CAMKMT: variants seen among roughly 807,000 people sequenced by gnomAD.
CAMKMT encodes the protein CaM KMT.
In CAMKMT, 53 loss-of-function variants were observed where a neutral mutation model predicts 48.0. The ratio of observed to expected loss-of-function variants is 1.10; its 90% confidence interval spans 0.89 to 1.39. CAMKMT has a LOEUF of 1.39. Among genes scored for constraint, CAMKMT ranks in the 40% most tolerant of loss-of-function variants. The pLI is 0.00. For synonymous variants in CAMKMT, 165 were observed against 152.3 expected (o/e 1.08, Z -0.61); for missense variants, 428 against 402.7 (o/e 1.06, Z -0.54).
chr2:44,502,565 G>A, intron 3 of CAMKMT, among the ~76,000 whole-genome samples: 1 of 152,130 alleles, frequency 6.6e-6, no homozygotes, highest in East Asian at 1.9e-4. Context: ...GATCTGGTTT[G>A]CCATCTTAAT....
intron 3 of CAMKMT, among the ~76,000 whole-genome samples, chr2:44,703,900 T>C (rs998448951): frequency 1.3e-5 from 2 of 152,188 alleles, no homozygotes; most frequent in Admixed American, 6.6e-5. Context: ...CATTTATTTT[T>C]GCCTAATATG....
chr2:44,456,499 C>G (rs542017663), intron 3 of CAMKMT: 75 of 1,527,020 alleles, frequency 4.9e-5, no homozygotes, highest in Non-Finnish European at 2.1e-5. Flanking sequence ...AACAAAAAGA[C>G]CTTGGAATGA....
chr2:44,619,133 C>T lies in CAMKMT; in HGVS notation c.377-85150C>T, dbSNP rs138028852. On this transcript the variant is annotated intron_variant, in intron 3 of 10. Coordinates refer to ENST00000378494, the MANE Select transcript of CAMKMT (RefSeq NM_024766.5). Reference sequence around the variant, plus strand: ...CTAATACACGTAAGATTGTCTTAAACGATGGAAACAGGATATCTTTGAGAA... The same window carrying T: ...CTAATACACGTAAGATTGTCTTAAATGATGGAAACAGGATATCTTTGAGAA... Among the ~76,000 whole-genome samples, 186 of 152,164 alleles carry T rather than the reference C, an allele frequency of 1.2e-3. 2 individuals are homozygous for T. The East Asian group carries it at 0.032, about 26-fold the overall frequency.
intron 3 of CAMKMT, among the ~76,000 whole-genome samples, chr2:44,410,768 C>T (rs1205430199): frequency 6.6e-6 from 1 of 152,058 alleles, no homozygotes; most frequent in Admixed American, 6.6e-5. Flanking sequence ...TTGTCTGATA[C>T]TAATGGGATA....
intron 3 of CAMKMT, among the ~76,000 whole-genome samples, chr2:44,532,771 T>C (rs546991700): frequency 1.3e-5 from 2 of 152,274 alleles, no homozygotes; most frequent in East Asian, 3.9e-4. Context: ...TAAGATCATG[T>C]TAAACAATTT....
chr2:44,475,374 G>A (rs1668634829), intron 3 of CAMKMT, among the ~76,000 whole-genome samples: 1 of 150,396 alleles, frequency 6.6e-6, no homozygotes, highest in Non-Finnish European at 1.5e-5. Flanking sequence ...CTGGAGTGCA[G>A]TGGCGTCATC....
At chr2:44,578,366 A>G (rs1264122459) in intron 3 of CAMKMT, among the ~76,000 whole-genome samples, 1 of 152,020 alleles carries the variant, frequency 6.6e-6, no homozygotes, top group African/African-American at 2.4e-5. Context: ...AGTGAACATG[A>G]TATTTTAAAT....
intron 3 of CAMKMT, among the ~76,000 whole-genome samples, chr2:44,397,808 T>A (rs1374217261): frequency 1.3e-5 from 2 of 152,232 alleles, no homozygotes; most frequent in Non-Finnish European, 2.9e-5. Context: ...TCTTTGACAG[T>A]AGAACTTGGT....
Position 44,492,160 on chromosome 2 carries a change from A to G in CAMKMT, c.376+101855A>G, listed in dbSNP as rs2104715734. Among the ~76,000 whole-genome samples, 4 of 152,286 alleles carry G rather than the reference A, an allele frequency of 2.6e-5. No individual in the cohort carries two copies. In the South Asian group the frequency reaches 8.3e-4, roughly 32 times the overall value. ...GGATTAATGAAATTATGTCCCTTAT[A>G]AAACATTTGAGTTTTTTTTTTGGTA... On this transcript the variant is annotated intron_variant, in intron 3 of 10. Coordinates refer to ENST00000378494, the MANE Select transcript of CAMKMT (RefSeq NM_024766.5).
chr2:44,747,068 C>T (rs1268202655), intron 8 of CAMKMT, among the ~76,000 whole-genome samples: 1 of 152,166 alleles, frequency 6.6e-6, no homozygotes, highest in African/African-American at 2.4e-5. Flanking sequence ...CTGACCGGCC[C>T]ATTGAGCTGG....
At chr2:44,538,032 A>G (rs1239006228) in intron 3 of CAMKMT, among the ~76,000 whole-genome samples, 1 of 152,204 alleles carries the variant, frequency 6.6e-6, no homozygotes, top group African/African-American at 2.4e-5. Context: ...TCCAAATTGC[A>G]AAGATATGGA....
In CAMKMT at chr2:44,476,268, G is replaced by GA. The variant is rs536264818; in HGVS notation, c.376+85973dup. 5.1e-4 allele frequency among the ~76,000 whole-genome samples: 75 copies of GA among 147,278 alleles called. No homozygotes were observed. In the South Asian group the frequency reaches 8.4e-3, roughly 16 times the overall value. The stretch of plus-strand genomic sequence containing the variant: ...CTAAAGTGGTGAAAGCATGTGGTTG[G>GA]AAAAAAAAAAGTAGTAGGAGATTAT... On this transcript the variant is annotated intron_variant, in intron 3 of 10. Transcript: ENST00000378494.
intron 3 of CAMKMT, among the ~76,000 whole-genome samples, chr2:44,527,781 T>G (rs1237186178): frequency 3.2e-5 from 3 of 95,128 alleles, no homozygotes; most frequent in Admixed American, 1.3e-4. Flanking sequence ...CCCACATGTG[T>G]ACAGCCCCCC....
At chr2:44,456,871 C>T in intron 3 of CAMKMT, 1 of 356,580 alleles carries the variant, frequency 2.8e-6, no homozygotes, top group Non-Finnish European at 5.0e-6. Flanking sequence ...GATACTAACT[C>T]TTAACTCATT....
intron 3 of CAMKMT, among the ~76,000 whole-genome samples, chr2:44,554,471 C>T (rs1667901209): frequency 6.6e-6 from 1 of 152,170 alleles, no homozygotes; most frequent in Non-Finnish European, 1.5e-5. Flanking sequence ...CACAGTGGCT[C>T]ATGCCTGTAA....
intron 3 of CAMKMT, among the ~76,000 whole-genome samples, chr2:44,504,033 G>T (rs79893019): frequency 0.032 from 4,883 of 151,842 alleles, 258 homozygotes; most frequent in African/African-American, 0.11. Context: ...GGGGGAGAGA[G>T]AGTTGTCTCT....
In CAMKMT at chr2:44,772,033, C is replaced by G; in HGVS notation, c.895-3C>G. ...ACCTTTTTCTTTCTATTATTGTTTT[C>G]AGTTGAAAAAGGAAAACCCGGACAT... is the stretch of plus-strand genomic sequence containing the variant. On this transcript the variant is annotated splice_polypyrimidine_tract_variant and splice_region_variant and intron_variant, in intron 10 of 10. Transcript: ENST00000378494. 1 of 1,607,550 alleles carries G rather than the reference C, an allele frequency of 6.2e-7. No individual in the cohort carries two copies. The highest frequency in any genetic ancestry group is 8.5e-7 in the Non-Finnish European group (1 of 1,175,308).
intron 3 of CAMKMT, among the ~76,000 whole-genome samples, chr2:44,425,721 A>G (rs1684233556): frequency 6.6e-6 from 1 of 151,620 alleles, no homozygotes; most frequent in Non-Finnish European, 1.5e-5. Flanking sequence ...GGTTCTATGT[A>G]GTATTCTATC....
At chr2:44,600,947 T>C (rs561830392) in intron 3 of CAMKMT, among the ~76,000 whole-genome samples, 1 of 152,196 alleles carries the variant, frequency 6.6e-6, no homozygotes, top group East Asian at 1.9e-4. Context: ...GTCAAGACAA[T>C]GAGGCTTCTT....
Sources: gnomAD v4.1 joint callset for allele counts (sites outside exome capture counted in the v4.1 genomes callset) on GRCh38, gnomAD v4.1.1 for gene constraint, MANE v1.5 for transcripts, NCBI Gene and HGNC (gene_info 2026-07-23, HGNC 2026-07-21) for gene names.